Variants in DLG2 observed in about 807,000 individuals in gnomAD.
DLG2 encodes the protein discs large MAGUK scaffold protein 2.
In DLG2, 45 loss-of-function variants were observed where a neutral mutation model predicts 132.5. The observed-to-expected ratio is 0.34, with a 90% CI of 0.27 to 0.44. The LOEUF (loss-of-function observed/expected upper bound fraction) is 0.44, where lower values mean the gene tolerates loss of function less well. Ranked by LOEUF, DLG2 falls within the 20% of genes least tolerant of loss-of-function variation. DLG2 has a pLI of 1.00. For missense variants in DLG2, 1,045 were observed against 1,196.9 expected, an observed-to-expected ratio of 0.87 and a Z score of 1.87; for synonymous variants, 424 against 419.6, an observed-to-expected ratio of 1.01 and a Z score of -0.13.
At chr11:84,276,159 T>C (rs2097781527) in intron 7 of DLG2, among the ~76,000 whole-genome samples, 1 of 152,208 alleles carries the variant, frequency 6.6e-6, no homozygotes, top group Non-Finnish European at 1.5e-5. Context: ...AGATAATTCA[T>C]GTTCATAAAT....
At chr11:85,382,899 C>G (rs2086010369) in intron 3 of DLG2, among the ~76,000 whole-genome samples, 1 of 152,044 alleles carries the variant, frequency 6.6e-6, no homozygotes, top group Admixed American at 6.6e-5. Flanking sequence ...TAAAATAGTG[C>G]AGTGGCTTTG....
intron 6 of DLG2, among the ~76,000 whole-genome samples, chr11:84,704,537 G>A (rs931978960): frequency 6.6e-6 from 1 of 151,396 alleles, no homozygotes; most frequent in Non-Finnish European, 1.5e-5. Context: ...TACTATGTGT[G>A]AGGTATCATA....
intron 21 of DLG2, among the ~76,000 whole-genome samples, chr11:83,488,731 A>AC (rs374981955): frequency 4.0e-4 from 61 of 151,634 alleles, no homozygotes; most frequent in South Asian, 1.3e-3. Flanking sequence ...CTTTTCTGTG[A>AC]CCCCCTTATT....
chr11:84,311,835 G>T (rs950123619), intron 7 of DLG2, among the ~76,000 whole-genome samples: 1 of 152,100 alleles, frequency 6.6e-6, no homozygotes, highest in Non-Finnish European at 1.5e-5. Context: ...AGAACTGTGT[G>T]CACAGGCACC....
intron 6 of DLG2, among the ~76,000 whole-genome samples, chr11:84,717,688 A>G (rs1273806809): frequency 6.6e-6 from 1 of 152,070 alleles, no homozygotes; most frequent in Non-Finnish European, 1.5e-5. Flanking sequence ...AAGATGAAGA[A>G]TTTATCAAGA....
intron 19 of DLG2, among the ~76,000 whole-genome samples, chr11:83,559,453 T>A (rs150549077): frequency 6.6e-6 from 1 of 152,230 alleles, no homozygotes; most frequent in East Asian, 1.9e-4. Flanking sequence ...TTGTTTTGGA[T>A]ATGGTGTTAG....
chr11:85,528,252 C>A (rs1351188702), intron 3 of DLG2, among the ~76,000 whole-genome samples: 1 of 152,134 alleles, frequency 6.6e-6, no homozygotes, highest in East Asian at 1.9e-4. Context: ...GTCTTGAAGT[C>A]TTTGCCCATG....
intron 15 of DLG2, among the ~76,000 whole-genome samples, chr11:83,890,405 G>T (rs2069427194): frequency 6.6e-6 from 1 of 152,050 alleles, no homozygotes; most frequent in Non-Finnish European, 1.5e-5. Context: ...GAACTCAGTG[G>T]CCCTAGATAA....
intron 3 of DLG2, among the ~76,000 whole-genome samples, chr11:85,552,095 GAAAAAAAA>G (rs764172663): frequency 1.6e-4 from 10 of 64,184 alleles, no homozygotes; most frequent in Non-Finnish European, 3.0e-4. Flanking sequence ...GGACTTAAAA[GAAAAAAAA>G]AAAAAAAAAA....
chr11:84,481,135 A>G (rs2099136363), intron 7 of DLG2, among the ~76,000 whole-genome samples: 1 of 152,076 alleles, frequency 6.6e-6, no homozygotes, highest in Non-Finnish European at 1.5e-5. Context: ...AAGGCCTAGG[A>G]TACTGTTAGC....
At chr11:83,833,523 A>G in intron 17 of DLG2, 91 bp downstream of exon 17, 1 of 1,344,748 alleles carries the variant, frequency 7.4e-7, no homozygotes, top group Non-Finnish European at 1.0e-6. Context: ...CTTTGTAATT[A>G]AGGTGCTTTT....
At chr11:84,748,784 T>C (rs2065726216) in intron 6 of DLG2, among the ~76,000 whole-genome samples, 1 of 152,166 alleles carries the variant, frequency 6.6e-6, no homozygotes, top group South Asian at 2.1e-4. Context: ...TCTTTTAAAA[T>C]ACTTGGCTAC....
Position 83,455,363 on chromosome 11 carries a change from A to G in DLG2, c.*4455T>C, listed in dbSNP as rs1176449393. 1 of 152,520 alleles carries G rather than the reference A, an allele frequency of 6.6e-6. No homozygotes were observed. The highest frequency in any genetic ancestry group is 1.5e-5 in the Non-Finnish European group (1 of 68,032). The allele number at this position is 152,520 out of a possible 1,614,324, so 9.4% of individuals were successfully genotyped here. ...ACATCCTGTCAGAGAGAAGCACAAA[A>G]CTGTCATATTGAAAGGATCTAACGG... On this transcript the variant is annotated 3_prime_UTR_variant, in exon 28 of 28. Coordinates refer to ENST00000376104, the MANE Select transcript of DLG2 (RefSeq NM_001142699.3).
chr11:84,059,250 C>T (rs2096553465), intron 11 of DLG2, 65 bp downstream of exon 11: 7 of 1,485,630 alleles, frequency 4.7e-6, no homozygotes, highest in South Asian at 2.3e-5. Flanking sequence ...ATACGACTAT[C>T]GTGGCATAAA....
intron 19 of DLG2, among the ~76,000 whole-genome samples, chr11:83,618,353 A>C (rs1299263573): frequency 6.6e-6 from 1 of 152,194 alleles, no homozygotes; most frequent in Non-Finnish European, 1.5e-5. Context: ...AGATTGGAGT[A>C]TAAATTTCCT....
chr11:84,029,129 C>A (rs2095621828), intron 11 of DLG2, among the ~76,000 whole-genome samples: 1 of 152,022 alleles, frequency 6.6e-6, no homozygotes, highest in Admixed American at 6.6e-5. Flanking sequence ...TATTTCTTTT[C>A]AAATTAGTAT....
chr11:85,023,622 A>G (rs773291010), intron 6 of DLG2, among the ~76,000 whole-genome samples: 1 of 152,120 alleles, frequency 6.6e-6, no homozygotes, highest in African/African-American at 2.4e-5. Context: ...AGAAGACTTC[A>G]GCAGAAAAGA....
intron 3 of DLG2, among the ~76,000 whole-genome samples, chr11:85,516,851 A>G (rs2094179356): frequency 1.3e-5 from 2 of 152,102 alleles, no homozygotes; most frequent in African/African-American, 4.8e-5. Context: ...AGTACAAAAA[A>G]AGAAACAGTA....
chr11:84,633,633 T>G (rs2099635868), intron 6 of DLG2, among the ~76,000 whole-genome samples: 1 of 151,996 alleles, frequency 6.6e-6, no homozygotes, highest in South Asian at 2.1e-4. Context: ...AAAAAGTTCC[T>G]TGAAGGTAGG....
Sources: allele counts gnomAD v4.1 joint callset (sites outside exome capture counted in the v4.1 genomes callset), GRCh38; gene constraint gnomAD v4.1.1; transcripts MANE v1.5; gene names NCBI Gene and HGNC (gene_info 2026-07-23, HGNC 2026-07-21).